The following PARN variants were observed in gnomAD, a reference collection of about 807,000 sequenced individuals.
PARN encodes poly(A)-specific ribonuclease PARN.
In PARN, 71 loss-of-function variants were observed where a neutral mutation model predicts 102.8. The ratio of observed to expected loss-of-function variants is 0.69; its 90% CI spans 0.57 to 0.84. PARN has a LOEUF of 0.84. PARN is among the 40% of genes least tolerant of loss of function. The pLI is 0.00. For missense variants in PARN, 782 were observed against 760.9 expected (o/e 1.03, Z -0.33); for synonymous variants, 261 against 252.9 (o/e 1.03, Z -0.30).
chr16:14,537,709 G>A (rs1184307836), intron 21 of PARN, among the ~76,000 whole-genome samples: 3 of 152,082 alleles, frequency 2.0e-5, no homozygotes, highest in East Asian at 1.9e-4. Flanking sequence ...GTTCTGATTC[G>A]TATGTGGGAG....
chr16:14,542,093 C>A (rs1392765262), intron 21 of PARN, among the ~76,000 whole-genome samples: 2 of 152,054 alleles, frequency 1.3e-5, no homozygotes, highest in East Asian at 3.9e-4. Context: ...CAACCTTGAC[C>A]TCCTGAGCTC....
chr16:14,601,441 G>C (rs1368507364), intron 11 of PARN, among the ~76,000 whole-genome samples: 1 of 152,056 alleles, frequency 6.6e-6, no homozygotes, highest in Non-Finnish European at 1.5e-5. Context: ...GCCAGGGGCT[G>C]GGTGTCAGGG....
intron 18 of PARN, among the ~76,000 whole-genome samples, chr16:14,557,481 A>T (rs980124162): frequency 6.7e-6 from 1 of 149,620 alleles, no homozygotes; most frequent in Non-Finnish European, 1.5e-5. Context: ...CGCTTGAACC[A>T]TGGAGGCGGA....
chr16:14,566,502 G>A (rs1313754301), intron 18 of PARN, among the ~76,000 whole-genome samples: 3 of 152,128 alleles, frequency 2.0e-5, no homozygotes, highest in African/African-American at 7.2e-5. Flanking sequence ...GAAACTTCTG[G>A]CCTCCAGAAC....
intron 18 of PARN, among the ~76,000 whole-genome samples, chr16:14,572,400 T>G (rs1413332099): frequency 6.6e-6 from 1 of 152,146 alleles, no homozygotes; most frequent in Non-Finnish European, 1.5e-5. Context: ...CTTTAATTCT[T>G]CAGTTTAAAA....
At chr16:14,605,952 C>T (rs999078937) in intron 10 of PARN, among the ~76,000 whole-genome samples, 4 of 152,168 alleles carry the variant, frequency 2.6e-5, no homozygotes, top group South Asian at 2.1e-4. Context: ...CACTTACCCA[C>T]GGTATCACCA....
At chr16:14,563,474 CTTTGTGTGTG>C (rs1195692019) in intron 18 of PARN, among the ~76,000 whole-genome samples, 2 of 111,174 alleles carry the variant, frequency 1.8e-5, no homozygotes, top group South Asian at 3.6e-4. Flanking sequence ...TTGAAAATTC[CTTTGTGTGTG>C]TGTGTGTGTG....
intron 22 of PARN, among the ~76,000 whole-genome samples, chr16:14,480,787 A>C (rs547558748): frequency 6.6e-6 from 1 of 152,088 alleles, no homozygotes; most frequent in Non-Finnish European, 1.5e-5. Flanking sequence ...CTAAAAATAC[A>C]AAAATTAACC....
intron 6 of PARN, among the ~76,000 whole-genome samples, chr16:14,616,208 C>T (rs1272131570): frequency 1.3e-5 from 2 of 152,056 alleles, no homozygotes; most frequent in African/African-American, 2.4e-5. Context: ...GAAGGAAAAC[C>T]AATCTGAAAT....
rs773960871 is a variant in PARN, at chr16:14,482,774, A to G, written c.1534T>C (p.Tyr512His). The change falls in exon 22 of 24, where the codon TAT becomes CAT. Residue 512 changes from tyrosine to histidine, a missense_variant. Physicochemically the swap from Tyr to His is moderately conservative, Grantham distance 83. Coordinates refer to ENST00000437198, the MANE Select transcript of PARN (RefSeq NM_002582.4). Reference sequence around the variant, plus strand: ...TTCTCTTCCTGTTTTCTCCCCATATATTCAGCATAGGTTTGGATCCGATAG... The same window carrying G: ...TTCTCTTCCTGTTTTCTCCCCATATGTTCAGCATAGGTTTGGATCCGATAG... ...ESYRIQTYAEYMGRKQEEKQI... is the reference protein window; with the variant it reads ...ESYRIQTYAEHMGRKQEEKQI... 1.2e-6 allele frequency: 2 copies of G among 1,613,796 alleles called. No homozygotes were observed. Among genetic ancestry groups the G allele is most frequent in the South Asian group, 1.1e-5 (1 of 91,068 alleles).
At chr16:14,450,704 T>C (rs34950710) in intron 22 of PARN, among the ~76,000 whole-genome samples, 24,448 of 151,884 alleles carry the variant, frequency 0.16, 2,039 homozygotes, top group East Asian at 0.25. Flanking sequence ...GGAACCAGGG[T>C]TCCTCAAATA....
intron 13 of PARN, among the ~76,000 whole-genome samples, chr16:14,588,020 C>T (rs1490164528): frequency 2.6e-5 from 4 of 152,168 alleles, no homozygotes; most frequent in Non-Finnish European, 4.4e-5. Context: ...GGGGGTTATG[C>T]TGTATAATAC....
intron 22 of PARN, among the ~76,000 whole-genome samples, chr16:14,458,902 C>T (rs985285257): frequency 1.3e-5 from 2 of 152,162 alleles, no homozygotes; most frequent in African/African-American, 2.4e-5. Flanking sequence ...GCGAAATGAG[C>T]TGACGAAATG....
chr16:14,481,279 C>T (rs1333560401), intron 22 of PARN, among the ~76,000 whole-genome samples: 1 of 152,154 alleles, frequency 6.6e-6, no homozygotes, highest in East Asian at 1.9e-4. Flanking sequence ...TGCATATTTA[C>T]ATAATTAAAT....
chr16:14,559,397 C>T (rs1169473984), intron 18 of PARN, among the ~76,000 whole-genome samples: 1 of 149,606 alleles, frequency 6.7e-6, no homozygotes, highest in African/African-American at 2.4e-5. Flanking sequence ...AGCTAAAACA[C>T]TCAAAAGATT....
chr16:14,586,192 T>G (rs1969845393), intron 14 of PARN, 126 bp downstream of exon 14: 1 of 630,880 alleles, frequency 1.6e-6, no homozygotes, highest in African/African-American at 1.9e-5. Context: ...CCCAGGCTGG[T>G]TCTGAACTCC....
chr16:14,485,905 C>G (rs1308274075), intron 21 of PARN, among the ~76,000 whole-genome samples: 2 of 151,932 alleles, frequency 1.3e-5, no homozygotes, highest in African/African-American at 4.8e-5. Context: ...CCAGGCTGGT[C>G]TCGAACTCCT....
intron 21 of PARN, among the ~76,000 whole-genome samples, chr16:14,521,012 G>C (rs1323869148): frequency 6.6e-6 from 1 of 152,152 alleles, no homozygotes. Flanking sequence ...CATGGTGTTG[G>C]CCTCTCTGGT....
intron 21 of PARN, among the ~76,000 whole-genome samples, chr16:14,540,906 G>A (rs113357989): frequency 2.4e-4 from 36 of 152,212 alleles, no homozygotes; most frequent in South Asian, 1.5e-3. Flanking sequence ...AGCTGTGAAC[G>A]CGCCACTGCA....
Sources: gnomAD v4.1 joint callset for allele counts (sites outside exome capture counted in the v4.1 genomes callset) on GRCh38, gnomAD v4.1.1 for gene constraint, MANE v1.5 for transcripts, NCBI Gene and HGNC (gene_info 2026-07-23, HGNC 2026-07-21) for gene names.